The following EIF2D variants were observed in gnomAD, a reference collection of about 807,000 sequenced individuals.
EIF2D encodes the protein hepatocellular carcinoma-associated antigen 56.
A neutral mutation model predicts 77.4 loss-of-function variants in EIF2D; 56 were observed. The observed-to-expected ratio is 0.72, with a 90% CI of 0.58 to 0.90. EIF2D has a LOEUF of 0.90. Ranked by LOEUF, EIF2D falls within the 40% of genes least tolerant of loss-of-function variation. The probability of loss-of-function intolerance (pLI) is 0.00; values close to 1 mark genes in which losing one functional copy is unlikely to be tolerated. For missense variants in EIF2D, 574 were observed against 706.5 expected (o/e 0.81, Z 2.13); for synonymous variants, 230 against 271.0 (o/e 0.85, Z 1.49).
At chr1:206,603,864 T>C (rs1392240968) in intron 5 of EIF2D, among the ~76,000 whole-genome samples, 1 of 152,238 alleles carries the variant, frequency 6.6e-6, no homozygotes, top group Non-Finnish European at 1.5e-5. Flanking sequence ...TTTTAACTAA[T>C]AGTTACGGCA....
In EIF2D at chr1:206,591,918, G is replaced by T. The variant is rs1029210710; in HGVS notation, c.1685-73C>A. The T allele has an allele frequency of 5.3e-5, 77 of 1,450,084 alleles. 1 individual carries two copies. Among genetic ancestry groups the T allele is most frequent in the Admixed American group, 1.0e-4 (6 of 59,686 alleles). The allele number at this position is 1,450,084 out of a possible 1,614,324, so 89.8% of individuals were successfully genotyped here. ...CCCGGCTGGCCCTCCACCAGTCCCC[G>T]TTGCCTCACAATGTCATTCCACCCA... On this transcript the variant is annotated intron_variant, in intron 14 of 14. Transcript: ENST00000271764.
chr1:206,596,928 C>T (rs1669674339), intron 12 of EIF2D, among the ~76,000 whole-genome samples, 172 bp downstream of exon 12: 1 of 118,010 alleles, frequency 8.5e-6, no homozygotes, highest in African/African-American at 3.4e-5. Flanking sequence ...TCAAATTGTT[C>T]CAAAGACCCC....
intron 8 of EIF2D, 30 bp downstream of exon 8, chr1:206,600,233 C>T (rs782571761): frequency 1.9e-6 from 3 of 1,610,718 alleles, no homozygotes; most frequent in East Asian, 4.5e-5. Flanking sequence ...CAACTCTCTG[C>T]ATGGGTCTGC....
At chr1:206,602,602 C>T in intron 6 of EIF2D, 149 bp from the exon 7 acceptor site, 1 of 716,588 alleles carries the variant, frequency 1.4e-6, no homozygotes, top group Non-Finnish European at 2.4e-6. Context: ...CTCTCTTGAG[C>T]ACTGAGCCTT....
chr1:206,602,569 TC>T (rs1356186905), intron 6 of EIF2D, 116 bp from the exon 7 acceptor site: 7 of 896,112 alleles, frequency 7.8e-6, no homozygotes, highest in Non-Finnish European at 1.3e-5. Flanking sequence ...AGGAACCCAT[TC>T]CCAGGTACCA....
In EIF2D at chr1:206,591,696, A is replaced by T; in HGVS notation, c.*79T>A. The T allele has an allele frequency of 3.1e-6, 4 of 1,276,666 alleles. No homozygotes were observed. The South Asian group carries it at 5.0e-5, about 16-fold the overall frequency. The allele number at this position is 1,276,666 out of a possible 1,614,324, so 79.1% of individuals were successfully genotyped here. A position where few individuals can be genotyped will look rare whatever the true frequency, so the allele number is the denominator to read the frequency against. ...AAAGAATTATATTTTGTATTTGCAA[A>T]AGCTGAAAATGCTCATAAAAATTAC... is the stretch of plus-strand genomic sequence containing the variant. On this transcript the variant is annotated 3_prime_UTR_variant, in exon 15 of 15. Coordinates refer to ENST00000271764, the MANE Select transcript of EIF2D (RefSeq NM_006893.3).
At chr1:206,586,532 T>C (rs7531197) in intron 2 of EIF2D, 198,695 of 275,014 alleles carry the variant, frequency 0.72, 72,531 homozygotes, top group African/African-American at 0.83. Context: ...CCAGCATCAC[T>C]GTCAAGATCT....
In EIF2D at chr1:206,603,327, G is replaced by C. The variant is rs187164931; in HGVS notation, c.531-123C>G. 9,031 of 1,345,168 alleles carry C rather than the reference G, an allele frequency of 6.7e-3. 36 individuals are homozygous for C. Among genetic ancestry groups the C allele is most frequent in the Non-Finnish European group, 8.1e-3 (8,123 of 999,474 alleles). The allele number at this position is 1,345,168 out of a possible 1,614,324, so 83.3% of individuals were successfully genotyped here. ...GCCAACAGGCAGGAGTGGCCAGGAGGGGGCAGAGAGCCTGTGCCCTCATCT... is the reference window on the plus strand; with the variant it reads ...GCCAACAGGCAGGAGTGGCCAGGAGCGGGCAGAGAGCCTGTGCCCTCATCT... On this transcript the variant is annotated intron_variant, in intron 5 of 14. Transcript: ENST00000271764.
At chr1:206,571,704 G>A (rs1370532251) in intron 5 of EIF2D, among the ~76,000 whole-genome samples, 1 of 152,206 alleles carries the variant, frequency 6.6e-6, no homozygotes. Context: ...GGGGCAGGAG[G>A]CCAATTCTGT....
intron 5 of EIF2D, chr1:206,604,694 C>T (rs1670101434): frequency 1.4e-5 from 2 of 140,350 alleles, no homozygotes; most frequent in Admixed American, 7.7e-5. Flanking sequence ...GATCACGCCA[C>T]TGCACTCCAA....
intron 14 of EIF2D, 107 bp downstream of exon 14, chr1:206,593,512 T>TGTGTGTGTGC: frequency 3.9e-6 from 2 of 506,338 alleles, no homozygotes; most frequent in South Asian, 2.9e-5. Context: ...AGAGAGAGTG[T>TGTGTGTGTGC]GTGTGTGTGT....
At chr1:206,570,293 C>T (rs1668407881), downstream of EIF2D, among the ~76,000 whole-genome samples, 1 of 151,928 alleles carries the variant, frequency 6.6e-6, no homozygotes, top group African/African-American at 2.4e-5. Flanking sequence ...AGGGTTTCAC[C>T]ATGTTGGTCA....
intron 4 of EIF2D, among the ~76,000 whole-genome samples, chr1:206,573,760 C>A (rs1668536501): frequency 6.6e-6 from 1 of 152,222 alleles, no homozygotes. Context: ...GTAATCCCAG[C>A]ATTTTGGGAG....
intron 11 of EIF2D, among the ~76,000 whole-genome samples, 181 bp downstream of exon 11, chr1:206,598,822 T>C (rs1553410680): frequency 7.4e-6 from 1 of 135,504 alleles, no homozygotes; most frequent in Non-Finnish European, 1.6e-5. Context: ...TATACATGGA[T>C]CTGAACACCC....
chr1:206,609,048 T>C (rs1412624852), intron 3 of EIF2D, among the ~76,000 whole-genome samples: 2 of 149,554 alleles, frequency 1.3e-5, no homozygotes, highest in African/African-American at 4.9e-5. Flanking sequence ...TGAGACTCCA[T>C]CTCAAAAAAA....
intron 2 of EIF2D, chr1:206,583,408 C>A (rs1553406805): frequency 1.4e-6 from 2 of 1,453,762 alleles, no homozygotes; most frequent in Admixed American, 1.7e-5. Flanking sequence ...TCAACCTGGC[C>A]CCTGCTCCAC....
chr1:206,603,767 G>T (rs1184953899), intron 5 of EIF2D, among the ~76,000 whole-genome samples: 2 of 152,162 alleles, frequency 1.3e-5, no homozygotes, highest in Non-Finnish European at 2.9e-5. Context: ...GCCTTAGGAA[G>T]ACAGGAAAAC....
chr1:206,576,805 G>T (rs1474895847), intron 4 of EIF2D, among the ~76,000 whole-genome samples: 1 of 152,038 alleles, frequency 6.6e-6, no homozygotes, highest in Non-Finnish European at 1.5e-5. Context: ...CATAAATAAA[G>T]TTTGTTTTGT....
chr1:206,605,963 G>A (rs1670184413), intron 4 of EIF2D, among the ~76,000 whole-genome samples: 1 of 152,180 alleles, frequency 6.6e-6, no homozygotes, highest in South Asian at 2.1e-4. Context: ...AGAGAGAAGA[G>A]ACACATAGTG....
Sources: gnomAD v4.1 joint callset for allele counts (sites outside exome capture counted in the v4.1 genomes callset) on GRCh38, gnomAD v4.1.1 for gene constraint, MANE v1.5 for transcripts, NCBI Gene and HGNC (gene_info 2026-07-23, HGNC 2026-07-21) for gene names.